SPIRE1: variants seen among roughly 807,000 people sequenced by gnomAD.
The protein encoded by SPIRE1 is spire type actin nucleation factor 1.
A neutral mutation model predicts 94.1 loss-of-function variants in SPIRE1; 40 were observed. The ratio of observed to expected loss-of-function variants is 0.43; its 90% CI spans 0.33 to 0.55. The LOEUF is 0.55. Among genes scored for constraint, SPIRE1 ranks in the 20% least tolerant of loss-of-function variants. SPIRE1 has a pLI of 0.06. For synonymous variants in SPIRE1, 376 were observed against 371.7 expected, an observed-to-expected ratio of 1.01 and a Z score of -0.13; for missense variants, 838 against 975.2, an observed-to-expected ratio of 0.86 and a Z score of 1.87.
In SPIRE1 at chr18:12,621,433, C is replaced by T. The variant is rs182303841; in HGVS notation, c.372+13629G>A. On this transcript the variant is annotated intron_variant, in intron 2 of 16. Transcript: ENST00000409402. ...AAAATTTGTACATGAAAGTTTATAG[C>T]ACCATTACTCATAACAGCCAAAGGG... 3.3e-3 allele frequency among the ~76,000 whole-genome samples: 497 copies of T among 152,240 alleles called. 1 individual carries two copies. Among genetic ancestry groups the T allele is most frequent in the Non-Finnish European group, 4.7e-3 (322 of 68,008 alleles).
intron 2 of SPIRE1, among the ~76,000 whole-genome samples, chr18:12,622,750 C>T (rs2037512466): frequency 6.6e-6 from 1 of 152,166 alleles, no homozygotes. Flanking sequence ...TTAACATGAC[C>T]TGTAATACTT....
At chr18:12,626,886 A>ATATATATATATATATATATATT (rs55915333) in intron 2 of SPIRE1, among the ~76,000 whole-genome samples, 12 of 111,888 alleles carry the variant, frequency 1.1e-4, no homozygotes, top group South Asian at 3.4e-4. Flanking sequence ...ATATATATAT[A>ATATATATATATATATATATATT]TTTTTTTTTT....
chr18:12,658,285 G>A (rs1269576552), upstream of SPIRE1: 1 of 448,964 alleles, frequency 2.2e-6, no homozygotes, highest in East Asian at 7.8e-5. Flanking sequence ...CAGAGTCGCA[G>A]GCGGTGACGC....
rs1309847027 is a variant in SPIRE1, at chr18:12,657,827, G to A, written c.40C>T (p.Arg14Trp). 18 of 1,165,848 alleles carry A rather than the reference G, an allele frequency of 1.5e-5. No homozygotes were observed. The highest frequency in any genetic ancestry group is 1.9e-5 in the Non-Finnish European group (18 of 948,850). The allele number at this position is 1,165,848 out of a possible 1,614,324, so 72.2% of individuals were successfully genotyped here. ...AAGPAGGGEP[R>W]TEAVGGEGPR... ...CCCTCGCCGCCCACTGCCTCAGTCC[G>A]CGGCTCCCCGCCGCCCGCCGGGCCA... Residue 14 changes from arginine (R) to tryptophan (W), a missense_variant, in exon 1 of 17, where the codon CGG becomes TGG. Physicochemically the swap from Arg to Trp is moderately radical, Grantham distance 101. Coordinates refer to ENST00000409402, the MANE Select transcript of SPIRE1 (RefSeq NM_001128626.2).
intron 4 of SPIRE1, among the ~76,000 whole-genome samples, chr18:12,517,364 A>C (rs1288229828): frequency 1.3e-5 from 2 of 152,240 alleles, no homozygotes; most frequent in South Asian, 4.1e-4. Flanking sequence ...ATCAATGTAG[A>C]TAGCTTAGAA....
chr18:12,554,937 T>G (rs1026756246), intron 2 of SPIRE1, among the ~76,000 whole-genome samples: 1 of 152,056 alleles, frequency 6.6e-6, no homozygotes, highest in African/African-American at 2.4e-5. Flanking sequence ...CCTCCCAGAG[T>G]ATGAAGGAGC....
chr18:12,586,194 T>A (rs1171621822), intron 2 of SPIRE1, among the ~76,000 whole-genome samples: 2 of 152,140 alleles, frequency 1.3e-5, no homozygotes, highest in Non-Finnish European at 2.9e-5. Flanking sequence ...CCTTAAGCAA[T>A]CCTCCCATCT....
At chr18:12,607,140 C>A (rs1354803920) in intron 2 of SPIRE1, among the ~76,000 whole-genome samples, 1 of 152,102 alleles carries the variant, frequency 6.6e-6, no homozygotes, top group Non-Finnish European at 1.5e-5. Context: ...GAACTTGTGA[C>A]AATCACAAGG....
intron 6 of SPIRE1, among the ~76,000 whole-genome samples, chr18:12,505,934 A>C (rs536669446): frequency 3.7e-4 from 57 of 152,338 alleles, no homozygotes; most frequent in Admixed American, 7.2e-4. Context: ...AAGTGCATAG[A>C]AACAAGGCTA....
intron 10 of SPIRE1, among the ~76,000 whole-genome samples, chr18:12,467,995 G>A (rs1168919440): frequency 6.6e-6 from 1 of 151,994 alleles, no homozygotes; most frequent in Non-Finnish European, 1.5e-5. Context: ...AATTTTACAC[G>A]TTGTTACCTT....
chr18:12,456,064 T>C (rs1269302638), intron 12 of SPIRE1, among the ~76,000 whole-genome samples: 1 of 152,206 alleles, frequency 6.6e-6, no homozygotes, highest in African/African-American at 2.4e-5. Context: ...TTGGGAAAAA[T>C]CCTGCATTTG....
intron 1 of SPIRE1, among the ~76,000 whole-genome samples, chr18:12,638,445 G>A (rs2037995966): frequency 6.6e-6 from 1 of 152,080 alleles, no homozygotes; most frequent in Non-Finnish European, 1.5e-5. Flanking sequence ...CCTTGCCTCA[G>A]AAACCATTAA....
intron 5 of SPIRE1, among the ~76,000 whole-genome samples, chr18:12,509,467 T>G (rs1207254763): frequency 6.6e-6 from 1 of 152,204 alleles, no homozygotes; most frequent in Non-Finnish European, 1.5e-5. Flanking sequence ...TGATATACAC[T>G]TAGAACAACA....
At chr18:12,610,384 C>T (rs772417816) in intron 2 of SPIRE1, among the ~76,000 whole-genome samples, 2 of 152,126 alleles carry the variant, frequency 1.3e-5, no homozygotes, top group African/African-American at 2.4e-5. Flanking sequence ...TCTTTCAACC[C>T]CATCAGGCCC....
At chr18:12,514,043 T>G (rs1435349651) in intron 4 of SPIRE1, among the ~76,000 whole-genome samples, 1 of 151,994 alleles carries the variant, frequency 6.6e-6, no homozygotes, top group African/African-American at 2.4e-5. Flanking sequence ...GGTCTCACTA[T>G]ATTGCCTGGG....
intron 2 of SPIRE1, among the ~76,000 whole-genome samples, chr18:12,572,809 T>C (rs1348879845): frequency 1.3e-5 from 2 of 152,034 alleles, no homozygotes; most frequent in African/African-American, 4.8e-5. Context: ...CATCAAATGG[T>C]TCTGGAACAA....
intron 1 of SPIRE1, among the ~76,000 whole-genome samples, chr18:12,651,306 T>A (rs2038372362): frequency 6.6e-6 from 1 of 152,166 alleles, no homozygotes; most frequent in Non-Finnish European, 1.5e-5. Flanking sequence ...ACACATATAC[T>A]TCATATATTC....
At chr18:12,552,211 T>G (rs978658945) in intron 2 of SPIRE1, among the ~76,000 whole-genome samples, 6 of 152,214 alleles carry the variant, frequency 3.9e-5, no homozygotes, top group Non-Finnish European at 8.8e-5. Context: ...AAAGGCACTC[T>G]AAGCCACAAG....
intron 10 of SPIRE1, 86 bp from the exon 11 acceptor site, chr18:12,465,044 T>G: frequency 8.4e-7 from 1 of 1,189,916 alleles, no homozygotes. Flanking sequence ...TAAACAGTTA[T>G]TTTAACATGA....
Sources: allele counts gnomAD v4.1 joint callset (sites outside exome capture counted in the v4.1 genomes callset), GRCh38; gene constraint gnomAD v4.1.1; transcripts MANE v1.5; gene names NCBI Gene and HGNC (gene_info 2026-07-23, HGNC 2026-07-21).